Variants in KATNBL1 observed in about 807,000 individuals in gnomAD.
The protein encoded by KATNBL1 is katanin regulatory subunit B1 like 1, also known as KATNB1-like protein 1.
Under a neutral mutation model 44.7 loss-of-function variants are expected in KATNBL1, and 28 were observed. The ratio of observed to expected loss-of-function variants is 0.63; its 90% CI spans 0.46 to 0.86. The LOEUF is 0.86. Among genes scored for constraint, KATNBL1 ranks in the 40% least tolerant of loss-of-function variants. The probability of loss-of-function intolerance (pLI) is 0.00; values close to 1 mark genes in which losing one functional copy is unlikely to be tolerated. For missense variants in KATNBL1, 272 were observed against 350.7 expected, an observed-to-expected ratio of 0.78 and a Z score of 1.79; for synonymous variants, 78 against 114.9, an observed-to-expected ratio of 0.68 and a Z score of 2.06.
chr15:34,163,907 T>C (rs917096976), intron 1 of KATNBL1, among the ~76,000 whole-genome samples: 128 of 152,266 alleles, frequency 8.4e-4, no homozygotes, highest in African/African-American at 3.0e-3. Flanking sequence ...TTTTTTTTTT[T>C]TTTGAGATGG....
At chr15:34,186,428 G>A (rs1172824252) in intron 1 of KATNBL1, among the ~76,000 whole-genome samples, 2 of 152,214 alleles carry the variant, frequency 1.3e-5, no homozygotes, top group Non-Finnish European at 2.9e-5. Flanking sequence ...GCCTCCCTGT[G>A]CTCTTTGGGG....
Position 34,142,854 on chromosome 15 carries a change from G to T in KATNBL1, c.883-483C>A, listed in dbSNP as rs574080916. 4.0e-5 allele frequency: 13 copies of T among 328,294 alleles called. No homozygotes were observed. In the East Asian group the frequency reaches 5.9e-4, roughly 15 times the overall value. 20.3% of individuals were successfully genotyped at this position (328,294 alleles called of 1,614,324 possible). Reference sequence around the variant, plus strand: ...AGCCTCCCAAGTAGCTGGGACTACAGGTGTGCACCACCACGCCCGGCTAAT... The same window carrying T: ...AGCCTCCCAAGTAGCTGGGACTACATGTGTGCACCACCACGCCCGGCTAAT... On this transcript the variant is annotated intron_variant, in intron 9 of 9. Transcript: ENST00000256544.
In KATNBL1 at chr15:34,188,316, G is replaced by A. The variant is rs565248768; in HGVS notation, c.-15+21635C>T. On this transcript the variant is annotated intron_variant, in intron 1 of 9. Transcript: ENST00000256544. ...CACATCTGTAATCCCAGCACTTTGG[G>A]AGGTTGAGGCGGACAGATCAGTTGA... Among the ~76,000 whole-genome samples the A allele has an allele frequency of 3.3e-5, 5 of 151,998 alleles. No homozygotes were observed. The South Asian group carries it at 8.3e-4, about 25-fold the overall frequency.
intron 2 of KATNBL1, among the ~76,000 whole-genome samples, chr15:34,163,263 T>G (rs1263277613): frequency 6.6e-6 from 1 of 151,816 alleles, no homozygotes. Flanking sequence ...AGGCTAGTCT[T>G]GAACTCCTGA....
At chr15:34,198,629 C>T (rs556610843) in intron 1 of KATNBL1, among the ~76,000 whole-genome samples, 6 of 152,248 alleles carry the variant, frequency 3.9e-5, no homozygotes, top group East Asian at 3.9e-4. Flanking sequence ...AAATACTTTG[C>T]GCTAACAGTG....
At chr15:34,203,457 T>G (rs1452794183) in intron 1 of KATNBL1, among the ~76,000 whole-genome samples, 5 of 152,172 alleles carry the variant, frequency 3.3e-5, no homozygotes, top group Non-Finnish European at 4.4e-5. Context: ...GCTGAGCCAT[T>G]CTTTCTGCTT....
Position 34,178,570 on chromosome 15 carries a change from AC to A in KATNBL1, c.-14-14881del, listed in dbSNP as rs538404623. On this transcript the variant is annotated intron_variant, in intron 1 of 9. Transcript: ENST00000256544. ...CAGGAGATCGAGACCATCCTGGCTA[AC>A]CCGGTGAAACCCTGTCTCTACTAAA... Among the ~76,000 whole-genome samples, 808 of 152,226 alleles carry A rather than the reference AC, an allele frequency of 5.3e-3. 9 individuals carry two copies. Among genetic ancestry groups the A allele is most frequent in the African/African-American group, 0.018 (762 of 41,546 alleles).
intron 3 of KATNBL1, 79 bp downstream of exon 3, chr15:34,154,565 A>G: frequency 1.2e-6 from 1 of 861,962 alleles, no homozygotes; most frequent in Non-Finnish European, 1.9e-6. Context: ...TGATAAAAGA[A>G]TGCTTATTTT....
At chr15:34,191,409 G>A (rs1889869270) in intron 1 of KATNBL1, among the ~76,000 whole-genome samples, 3 of 151,884 alleles carry the variant, frequency 2.0e-5, no homozygotes, top group Admixed American at 1.3e-4. Context: ...ATGTAAACTT[G>A]TATGAACATA....
At chr15:34,209,637 C>T (rs969351178) in intron 1 of KATNBL1, 1 of 152,400 alleles carries the variant, frequency 6.6e-6, no homozygotes, top group Admixed American at 6.5e-5. Context: ...TTCCCCTTCC[C>T]CAGGTGCAGC....
chr15:34,144,982 GT>G, intron 9 of KATNBL1: 1 of 686,012 alleles, frequency 1.5e-6, no homozygotes, highest in Non-Finnish European at 1.8e-6. Flanking sequence ...GATTTAAATA[GT>G]TTACCTTCTC....
At chr15:34,209,345 G>C (rs1647913633) in intron 1 of KATNBL1, 1 of 152,102 alleles carries the variant, frequency 6.6e-6, no homozygotes, top group Admixed American at 6.5e-5. Context: ...TAAGCCACAA[G>C]AAAACAAACC....
chr15:34,195,288 T>G (rs1889998372), intron 1 of KATNBL1, among the ~76,000 whole-genome samples: 1 of 152,196 alleles, frequency 6.6e-6, no homozygotes, highest in African/African-American at 2.4e-5. Context: ...AAATAATGTC[T>G]TTTGTAGCAA....
Position 34,154,841 on chromosome 15 carries a change from GGGA to G in KATNBL1, c.118-160_118-158del, listed in dbSNP as rs919409566. On this transcript the variant is annotated intron_variant, in intron 2 of 9. Transcript: ENST00000256544. ...GTGGTCGCAAGAGCATACCGGGCAT[GGGA>G]GGAGAAGGGGTTCTTATCCCTAATG... is the stretch of plus-strand genomic sequence containing the variant. The G allele has an allele frequency of 5.2e-5, 32 of 611,688 alleles. 1 individual carries two copies. The highest frequency in any genetic ancestry group is 8.7e-5 in the Admixed American group (3 of 34,472). The allele number at this position is 611,688 out of a possible 1,614,324, so 37.9% of individuals were successfully genotyped here. A position where few individuals can be genotyped will look rare whatever the true frequency, so the allele number is the denominator to read the frequency against.
chr15:34,148,691 A>G lies in KATNBL1; in HGVS notation c.498T>C (p.Asn166=). 3.1e-6 allele frequency: 5 copies of G among 1,613,130 alleles called. 1 individual carries two copies. The highest frequency in any genetic ancestry group is 3.3e-4 in the Middle Eastern group (2 of 6,048). The change falls in exon 5 of 10, where the codon AAT becomes AAC. Residue 166 remains asparagine (N), a synonymous_variant. Transcript: ENST00000256544. ...QVLFSRNMRL[N]VALTFWRKRS... Reference sequence around the variant, plus strand: ...TCTTTCTCCAGAAAGTTAAAGCTACATTCAATCTCATATTCCTGCTGAACA... The same window carrying G: ...TCTTTCTCCAGAAAGTTAAAGCTACGTTCAATCTCATATTCCTGCTGAACA...
chr15:34,160,948 C>T (rs766994272), intron 2 of KATNBL1, among the ~76,000 whole-genome samples: 1 of 152,182 alleles, frequency 6.6e-6, no homozygotes, highest in Non-Finnish European at 1.5e-5. Context: ...AGGCTTCTCA[C>T]ATTCTTCTAC....
chr15:34,187,016 C>T (rs8027830), intron 1 of KATNBL1, among the ~76,000 whole-genome samples: 50,364 of 152,144 alleles, frequency 0.33, 8,856 homozygotes, highest in African/African-American at 0.47. Context: ...GGCTCAGCCA[C>T]AGCAGGGCGG....
At chr15:34,179,735 T>C (rs900316596) in intron 1 of KATNBL1, among the ~76,000 whole-genome samples, 3 of 152,256 alleles carry the variant, frequency 2.0e-5, no homozygotes, top group South Asian at 4.1e-4. Context: ...AAAAAAGGTC[T>C]ATCAAAACAT....
chr15:34,193,034 A>G (rs1031718830), intron 1 of KATNBL1, among the ~76,000 whole-genome samples: 2 of 151,132 alleles, frequency 1.3e-5, no homozygotes, highest in South Asian at 2.1e-4. Flanking sequence ...TGGCTAACAC[A>G]GTGAAACCCC....
Sources: allele counts gnomAD v4.1 joint callset (sites outside exome capture counted in the v4.1 genomes callset), GRCh38; gene constraint gnomAD v4.1.1; transcripts MANE v1.5; gene names NCBI Gene and HGNC (gene_info 2026-07-23, HGNC 2026-07-21).